Variants in TRHDE observed in about 807,000 individuals in gnomAD.
The protein encoded by TRHDE is thyrotropin-releasing hormone-degrading ectoenzyme.
A neutral mutation model predicts 125.7 loss-of-function variants in TRHDE; 72 were observed. The ratio of observed to expected loss-of-function variants is 0.57; its 90% CI spans 0.47 to 0.70. TRHDE has a LOEUF of 0.70. TRHDE is among the 30% of genes least tolerant of loss of function. The pLI is 0.00. For missense variants in TRHDE, 1,110 were observed against 1,327.1 expected, an observed-to-expected ratio of 0.84 and a Z score of 2.54; for synonymous variants, 509 against 509.1, an observed-to-expected ratio of 1.00 and a Z score of 0.00.
intron 3 of TRHDE, among the ~76,000 whole-genome samples, chr12:72,391,740 T>C (rs543663897): frequency 4.7e-4 from 72 of 152,270 alleles, no homozygotes; most frequent in African/African-American, 1.7e-3. Context: ...TTAGTATTAA[T>C]AGAGGTAGCT....
intron 12 of TRHDE, among the ~76,000 whole-genome samples, chr12:72,597,756 T>C (rs1438509592): frequency 0.026 from 279 of 10,624 alleles, 10 homozygotes; most frequent in African/African-American, 0.052. Context: ...TATATATATA[T>C]ATGCATACAC....
chr12:72,110,999 G>A (rs1040574992), intron 2 of TRHDE, among the ~76,000 whole-genome samples: 3 of 152,116 alleles, frequency 2.0e-5, no homozygotes, highest in Non-Finnish European at 4.4e-5. Context: ...TGTGAAATGT[G>A]TCGTATAGAC....
intron 15 of TRHDE, among the ~76,000 whole-genome samples, chr12:72,630,189 C>A (rs1490549413): frequency 6.6e-6 from 1 of 151,422 alleles, no homozygotes; most frequent in Non-Finnish European, 1.5e-5. Flanking sequence ...AATCCTAATC[C>A]CCACATGTAA....
rs961916318 is a variant in TRHDE at position 72,590,550 on chromosome 12, T to C, written c.2321+15008T>C. Reference sequence around the variant, plus strand: ...CACATTTCTGTTTATCTCTGATTAATTGATGTTTTTATCATTATGAAGTAT... The same window carrying C: ...CACATTTCTGTTTATCTCTGATTAACTGATGTTTTTATCATTATGAAGTAT... On this transcript the variant is annotated intron_variant, in intron 12 of 18. Coordinates refer to ENST00000261180, the MANE Select transcript of TRHDE (RefSeq NM_013381.3). Among the ~76,000 whole-genome samples, 13 of 152,300 alleles carry C rather than the reference T, an allele frequency of 8.5e-5. No individual in the cohort carries two copies. In the South Asian group the frequency reaches 2.5e-3, roughly 29 times the overall value.
At chr12:72,584,455 T>C (rs959641556) in intron 12 of TRHDE, among the ~76,000 whole-genome samples, 1 of 152,192 alleles carries the variant, frequency 6.6e-6, no homozygotes, top group Non-Finnish European at 1.5e-5. Flanking sequence ...TATATTGTCA[T>C]TAACTATAGT....
chr12:72,573,325 T>C (rs1870834401), intron 10 of TRHDE, among the ~76,000 whole-genome samples: 1 of 151,934 alleles, frequency 6.6e-6, no homozygotes, highest in Admixed American at 6.6e-5. Flanking sequence ...AATTCTAAAT[T>C]TTTGCAGCAA....
At chr12:72,607,208 A>G (rs1425016004) in intron 12 of TRHDE, among the ~76,000 whole-genome samples, 1 of 152,136 alleles carries the variant, frequency 6.6e-6, no homozygotes, top group African/African-American at 2.4e-5. Flanking sequence ...CGCACTGTGC[A>G]CTTTTATGTG....
chr12:72,194,556 G>A (rs1023057788), intron 2 of TRHDE, among the ~76,000 whole-genome samples: 2 of 152,002 alleles, frequency 1.3e-5, no homozygotes, highest in Non-Finnish European at 2.9e-5. Context: ...CCTGCTAGTA[G>A]TCCTGTTGTT....
chr12:72,592,669 A>G (rs187296303), intron 12 of TRHDE, among the ~76,000 whole-genome samples: 1 of 148,828 alleles, frequency 6.7e-6, no homozygotes, highest in East Asian at 2.0e-4. Flanking sequence ...AGTATTAGTT[A>G]AGGCCTTTTG....
intron 2 of TRHDE, among the ~76,000 whole-genome samples, chr12:72,131,329 C>T (rs1046615479): frequency 6.6e-6 from 1 of 151,982 alleles, no homozygotes; most frequent in Non-Finnish European, 1.5e-5. Flanking sequence ...GCCTCGGCCT[C>T]CCAAAGTGCT....
At chr12:72,450,085 A>G (rs527477712) in intron 3 of TRHDE, among the ~76,000 whole-genome samples, 2 of 152,022 alleles carry the variant, frequency 1.3e-5, no homozygotes, top group East Asian at 1.9e-4. Context: ...CCCTCTGGGT[A>G]TATCTCCAAA....
chr12:72,441,350 A>G (rs1875002252), intron 3 of TRHDE, among the ~76,000 whole-genome samples: 1 of 152,012 alleles, frequency 6.6e-6, no homozygotes, highest in African/African-American at 2.4e-5. Context: ...AAAATTGACT[A>G]ATAATAACTT....
At chr12:72,535,750 T>A (rs1309860412) in intron 6 of TRHDE, among the ~76,000 whole-genome samples, 2 of 152,128 alleles carry the variant, frequency 1.3e-5, no homozygotes, top group Non-Finnish European at 2.9e-5. Context: ...AGGTATGCTT[T>A]TATTCCATAC....
At chr12:72,382,924 T>C (rs1284947905) in intron 3 of TRHDE, among the ~76,000 whole-genome samples, 1 of 152,178 alleles carries the variant, frequency 6.6e-6, no homozygotes, top group African/African-American at 2.4e-5. Flanking sequence ...CCACCTCCAG[T>C]AGTTTATCGG....
At chr12:72,220,963 C>CT (rs1877988005) in intron 2 of TRHDE, among the ~76,000 whole-genome samples, 1 of 151,780 alleles carries the variant, frequency 6.6e-6, no homozygotes, top group Non-Finnish European at 1.5e-5. Context: ...AAATCATTAA[C>CT]TTTTTTCTGA....
chr12:72,276,240 C>T (rs561942702), intron 1 of TRHDE, among the ~76,000 whole-genome samples: 3 of 152,194 alleles, frequency 2.0e-5, no homozygotes, highest in South Asian at 4.2e-4. Flanking sequence ...TCAAATAGGA[C>T]GCAGATGCAA....
chr12:72,152,098 A>T (rs1205817828), intron 2 of TRHDE, among the ~76,000 whole-genome samples: 3 of 151,750 alleles, frequency 2.0e-5, no homozygotes, highest in Non-Finnish European at 4.4e-5. Flanking sequence ...GTTCTCCTTG[A>T]AAAGGTCCTT....
chr12:72,594,506 T>G (rs954769549), intron 12 of TRHDE, among the ~76,000 whole-genome samples: 1 of 149,902 alleles, frequency 6.7e-6, no homozygotes, highest in Non-Finnish European at 1.5e-5. Context: ...ATGTGAGTTT[T>G]TTTTTTTTTT....
chr12:72,570,660 G>T (rs1181559906), intron 10 of TRHDE, among the ~76,000 whole-genome samples: 7 of 149,250 alleles, frequency 4.7e-5, no homozygotes, highest in Admixed American at 6.7e-5. Flanking sequence ...TTGAGGGATT[G>T]CTTTCCTTTA....
Sources: gnomAD v4.1 joint callset for allele counts (sites outside exome capture counted in the v4.1 genomes callset) on GRCh38, gnomAD v4.1.1 for gene constraint, MANE v1.5 for transcripts, NCBI Gene and HGNC (gene_info 2026-07-23, HGNC 2026-07-21) for gene names.